VPS41: variants seen among roughly 807,000 people sequenced by gnomAD.
VPS41 encodes the protein vacuolar protein sorting-associated protein 41 homolog.
A neutral mutation model predicts 130.9 loss-of-function variants in VPS41; 85 were observed. That is an observed-to-expected ratio of 0.65 (90% CI 0.55 to 0.78). The LOEUF (loss-of-function observed/expected upper bound fraction) is 0.78, where lower values mean the gene tolerates loss of function less well. Ranked by LOEUF, VPS41 falls within the 30% of genes least tolerant of loss-of-function variation. The pLI, the probability that VPS41 is intolerant of heterozygous loss-of-function variation, is 0.00. For missense variants in VPS41, 874 were observed against 1,018.7 expected (o/e 0.86, Z 1.93); for synonymous variants, 335 against 332.9 (o/e 1.01, Z -0.07).
At chr7:38,762,917 C>T (rs1026496106) in intron 17 of VPS41, among the ~76,000 whole-genome samples, 1 of 152,026 alleles carries the variant, frequency 6.6e-6, no homozygotes, top group African/African-American at 2.4e-5. Context: ...GATATGAAAT[C>T]AACAGGGTAA....
At chr7:38,806,852 G>A (rs1455412573) in intron 7 of VPS41, among the ~76,000 whole-genome samples, 1 of 152,194 alleles carries the variant, frequency 6.6e-6, no homozygotes, top group Non-Finnish European at 1.5e-5. Context: ...GGCACCCACA[G>A]CAGGGCTCTG....
chr7:38,766,669 A>G (rs1015820273), intron 15 of VPS41, among the ~76,000 whole-genome samples: 1 of 152,180 alleles, frequency 6.6e-6, no homozygotes, highest in Admixed American at 6.5e-5. Flanking sequence ...AGATGGAGAT[A>G]CCTGAATCAT....
chr7:38,761,269 T>C, intron 17 of VPS41, among the ~76,000 whole-genome samples: 2 of 34,664 alleles, frequency 5.8e-5, no homozygotes, highest in Admixed American at 3.8e-4. Context: ...CTCTCTTTTT[T>C]TTTTTTTTTT....
intron 7 of VPS41, among the ~76,000 whole-genome samples, chr7:38,817,017 TAGG>T (rs1423313976): frequency 3.3e-5 from 5 of 152,158 alleles, no homozygotes; most frequent in Non-Finnish European, 5.9e-5. Context: ...GTTGGAATCA[TAGG>T]AGTGAGCCAC....
intron 1 of VPS41, among the ~76,000 whole-genome samples, chr7:38,901,214 G>C (rs1294182312): frequency 6.6e-6 from 1 of 152,202 alleles, no homozygotes; most frequent in African/African-American, 2.4e-5. Context: ...GGATGTAGTG[G>C]GGAGTTACTG....
chr7:38,822,550 T>C (rs1003286005), intron 5 of VPS41, among the ~76,000 whole-genome samples: 1 of 152,252 alleles, frequency 6.6e-6, no homozygotes, highest in Admixed American at 6.5e-5. Context: ...TGTATGAATA[T>C]ATCACAATTC....
At chr7:38,818,342 C>T (rs1005241179) in intron 6 of VPS41, among the ~76,000 whole-genome samples, 6 of 152,096 alleles carry the variant, frequency 3.9e-5, no homozygotes, top group African/African-American at 1.2e-4. Context: ...GCCTCCCAGA[C>T]GTTTAGCCCA....
At chr7:38,726,674 G>A (rs1045102823) in intron 28 of VPS41, among the ~76,000 whole-genome samples, 4 of 152,120 alleles carry the variant, frequency 2.6e-5, no homozygotes, top group Admixed American at 1.3e-4. Context: ...CTGTCAACTG[G>A]GCCTGAATGA....
intron 23 of VPS41, among the ~76,000 whole-genome samples, chr7:38,744,053 T>C (rs1315831564): frequency 6.6e-6 from 1 of 152,176 alleles, no homozygotes; most frequent in Non-Finnish European, 1.5e-5. Flanking sequence ...CTGATACACT[T>C]TGTGCCAACT....
chr7:38,870,079 G>A (rs996873799), intron 2 of VPS41, among the ~76,000 whole-genome samples: 2 of 152,176 alleles, frequency 1.3e-5, no homozygotes, highest in Non-Finnish European at 2.9e-5. Flanking sequence ...TGTAGGACAA[G>A]AGGCTGAGAA....
At chr7:38,771,310 G>A (rs1361777230) in intron 13 of VPS41, 56 bp from the exon 14 acceptor site, 10 of 1,248,794 alleles carry the variant, frequency 8.0e-6, no homozygotes, top group East Asian at 7.0e-5. Context: ...AAAGGAGGGA[G>A]GGAAAATGGG....
chr7:38,751,875 C>G (rs564961921), intron 22 of VPS41, among the ~76,000 whole-genome samples: 2 of 152,188 alleles, frequency 1.3e-5, no homozygotes, highest in Non-Finnish European at 2.9e-5. Flanking sequence ...GGGAGATGGA[C>G]TGAGACTTCT....
intron 14 of VPS41, among the ~76,000 whole-genome samples, chr7:38,768,101 G>A (rs1784083044): frequency 6.6e-6 from 1 of 152,148 alleles, no homozygotes; most frequent in African/African-American, 2.4e-5. Context: ...AAAAACCTGT[G>A]ATTCAAACCC....
chr7:38,770,165 A>T (rs1238896598), intron 14 of VPS41, among the ~76,000 whole-genome samples: 1 of 151,796 alleles, frequency 6.6e-6, no homozygotes, highest in Non-Finnish European at 1.5e-5. Flanking sequence ...GCTACTCGGG[A>T]GGCTGAGGCA....
At chr7:38,856,326 C>A (rs1562611907) in intron 4 of VPS41, among the ~76,000 whole-genome samples, 1 of 152,002 alleles carries the variant, frequency 6.6e-6, no homozygotes, top group Non-Finnish European at 1.5e-5. Context: ...TTAATTACCC[C>A]CCAAGTCCCC....
chr7:38,906,959 A>G (rs992542483), intron 1 of VPS41, among the ~76,000 whole-genome samples: 4 of 152,158 alleles, frequency 2.6e-5, no homozygotes, highest in Admixed American at 1.3e-4. Flanking sequence ...AAAGTCAATC[A>G]TTTAACACAA....
chr7:38,904,407 ATC>A (rs1787210683), intron 1 of VPS41, among the ~76,000 whole-genome samples: 1 of 151,106 alleles, frequency 6.6e-6, no homozygotes, highest in South Asian at 2.1e-4. Context: ...ACCCTCTAAA[ATC>A]TGTCTGATTC....
In VPS41 at chr7:38,804,300, ATTAG is replaced by A. The variant is rs1347611819; in HGVS notation, c.451-7440_451-7437del. Among the ~76,000 whole-genome samples, 3 of 152,082 alleles carry A rather than the reference ATTAG, an allele frequency of 2.0e-5. No homozygotes were observed. The East Asian group carries it at 5.8e-4, about 29-fold the overall frequency. ...CACCCAGGTATTAAGCCTACTATCC[ATTAG>A]TTATTTTTTCTGATCCTCTCCCTTC... On this transcript the variant is annotated intron_variant, in intron 7 of 28. Coordinates refer to ENST00000310301, the MANE Select transcript of VPS41 (RefSeq NM_014396.4).
intron 6 of VPS41, among the ~76,000 whole-genome samples, chr7:38,819,474 AAAG>A (rs1199995758): frequency 6.6e-6 from 1 of 152,206 alleles, no homozygotes; most frequent in African/African-American, 2.4e-5. Flanking sequence ...AAATTTCTTT[AAAG>A]AAGAGTCTCT....
Sources: allele counts gnomAD v4.1 joint callset (sites outside exome capture counted in the v4.1 genomes callset), GRCh38; gene constraint gnomAD v4.1.1; transcripts MANE v1.5; gene names NCBI Gene and HGNC (gene_info 2026-07-23, HGNC 2026-07-21).